The following KIDINS220 variants were observed in gnomAD, a reference collection of about 807,000 sequenced individuals.
KIDINS220 encodes kinase D-interacting substrate of 220 kDa.
In KIDINS220, 63 loss-of-function variants were observed where a neutral mutation model predicts 157.6. The observed-to-expected ratio is 0.40, with a 90% CI of 0.33 to 0.49. The LOEUF (loss-of-function observed/expected upper bound fraction) is 0.49. Among genes scored for constraint, KIDINS220 ranks in the 20% least tolerant of loss-of-function variants. The pLI is 0.66. For missense variants in KIDINS220, 1,772 were observed against 2,171.2 expected (o/e 0.82, Z 3.65); for synonymous variants, 732 against 783.6 (o/e 0.93, Z 1.10).
At chr2:8,778,375 C>A (rs1345686993) in intron 20 of KIDINS220, among the ~76,000 whole-genome samples, 1 of 152,158 alleles carries the variant, frequency 6.6e-6, no homozygotes, top group Non-Finnish European at 1.5e-5. Flanking sequence ...TGGATGAAAT[C>A]ATTTGGCAAG....
At chr2:8,774,549 A>G (rs1290670141) in intron 21 of KIDINS220, among the ~76,000 whole-genome samples, 1 of 152,192 alleles carries the variant, frequency 6.6e-6, no homozygotes, top group Non-Finnish European at 1.5e-5. Flanking sequence ...CTGACATTTA[A>G]GCAAAGACTT....
At chr2:8,784,514 C>T (rs1368079155) in intron 17 of KIDINS220, among the ~76,000 whole-genome samples, 1 of 152,148 alleles carries the variant, frequency 6.6e-6, no homozygotes, top group Non-Finnish European at 1.5e-5. Context: ...AAAAGCTTAT[C>T]TGATAAAGGA....
intron 15 of KIDINS220, among the ~76,000 whole-genome samples, chr2:8,788,443 AT>A (rs922380165): frequency 1.1e-4 from 17 of 151,948 alleles, no homozygotes; most frequent in African/African-American, 4.1e-4. Context: ...CTAATTTTGT[AT>A]TTTTAGTAGA....
intron 27 of KIDINS220, among the ~76,000 whole-genome samples, chr2:8,735,463 C>T (rs557989245): frequency 3.3e-5 from 5 of 151,994 alleles, no homozygotes; most frequent in South Asian, 2.1e-4. Context: ...ACCCAGGAGG[C>T]GGGAGGTTGC....
At chr2:8,807,883 A>G (rs1572740323) in intron 6 of KIDINS220, among the ~76,000 whole-genome samples, 1 of 152,214 alleles carries the variant, frequency 6.6e-6, no homozygotes, top group East Asian at 1.9e-4. Context: ...GCACTTTGGG[A>G]GGCTAAGCCA....
At chr2:8,773,353 T>C (rs962383771) in intron 21 of KIDINS220, among the ~76,000 whole-genome samples, 2 of 152,236 alleles carry the variant, frequency 1.3e-5, no homozygotes, top group South Asian at 2.1e-4. Context: ...GTATCAACTA[T>C]TAAATGATGT....
Position 8,728,934 on chromosome 2 carries a change from T to A in KIDINS220, c.*1786A>T, listed in dbSNP as rs1209896775. 1.2e-5 allele frequency: 12 copies of A among 978,282 alleles called. No individual in the cohort carries two copies. Among genetic ancestry groups the A allele is most frequent in the Non-Finnish European group, 1.5e-5 (12 of 823,042 alleles). 60.6% of individuals were successfully genotyped at this position (978,282 alleles called of 1,614,324 possible). A position where few individuals can be genotyped will look rare whatever the true frequency, so the allele number is the denominator to read the frequency against. ...TAAAAATTCATGAGTCAGAATAGCA[T>A]GCAATTTTTTATTGTTTTCTAAATC... On this transcript the variant is annotated 3_prime_UTR_variant, in exon 30 of 30. Transcript: ENST00000256707.
Position 8,729,476 on chromosome 2 carries a change from A to C in KIDINS220, c.*1244T>G. 1 of 985,416 alleles carries C rather than the reference A, an allele frequency of 1.0e-6. No individual in the cohort carries two copies. Among genetic ancestry groups the C allele is most frequent in the Non-Finnish European group, 1.2e-6 (1 of 829,872 alleles). The allele number at this position is 985,416 out of a possible 1,614,324, so 61.0% of individuals were successfully genotyped here. A position where few individuals can be genotyped will look rare whatever the true frequency, so the allele number is the denominator to read the frequency against. ...TAAAACGATAACAATATTTCATTGC[A>C]TGATGACAGGGTACATTTCTAGTCC... On this transcript the variant is annotated 3_prime_UTR_variant, in exon 30 of 30. Coordinates refer to ENST00000256707, the MANE Select transcript of KIDINS220 (RefSeq NM_020738.4).
rs75333386 is a variant in KIDINS220, at chr2:8,784,797, C to T, written c.2229+944G>A. ...AGGATGTGATGTGGAGCAACAGGAG[C>T]CTCATTCATTTCTGGTGGGAATGCA... is the stretch of plus-strand genomic sequence containing the variant. On this transcript the variant is annotated intron_variant, in intron 17 of 29. Transcript: ENST00000256707. Among the ~76,000 whole-genome samples, 350 of 152,274 alleles carry T rather than the reference C, an allele frequency of 2.3e-3. 15 individuals are homozygous for T. The East Asian group carries it at 0.06, about 26-fold the overall frequency.
chr2:8,756,888 C>T (rs1668081932), intron 22 of KIDINS220, among the ~76,000 whole-genome samples: 2 of 152,168 alleles, frequency 1.3e-5, no homozygotes, highest in Admixed American at 1.3e-4. Context: ...TTGTCTTGTT[C>T]TTTTAACTTA....
At chr2:8,765,333 A>G (rs1669329431) in intron 22 of KIDINS220, among the ~76,000 whole-genome samples, 2 of 152,192 alleles carry the variant, frequency 1.3e-5, no homozygotes, top group South Asian at 4.1e-4. Context: ...TCTCCTGCCC[A>G]TGATATCTTT....
At chr2:8,757,620 A>G (rs1668179752) in intron 22 of KIDINS220, 1 of 1,604,132 alleles carries the variant, frequency 6.2e-7, no homozygotes, top group African/African-American at 1.3e-5. Context: ...TTCGAGGCAG[A>G]TAACCCAAGT....
intron 22 of KIDINS220, among the ~76,000 whole-genome samples, chr2:8,752,443 C>T (rs1044387455): frequency 1.3e-5 from 2 of 152,008 alleles, no homozygotes; most frequent in Non-Finnish European, 2.9e-5. Flanking sequence ...GGTGGGAAAA[C>T]AGAAGGAAAG....
At chr2:8,744,388 A>ATT (rs1558328231) in intron 26 of KIDINS220, among the ~76,000 whole-genome samples, 1 of 26,160 alleles carries the variant, frequency 3.8e-5, no homozygotes. Context: ...AAAAAAAAAA[A>ATT]ATATATATAT....
intron 22 of KIDINS220, among the ~76,000 whole-genome samples, chr2:8,769,112 A>G (rs551037097): frequency 4.6e-5 from 7 of 152,326 alleles, no homozygotes; most frequent in African/African-American, 1.7e-4. Context: ...ATGGCAAAGC[A>G]AAGTTCACAT....
intron 4 of KIDINS220, among the ~76,000 whole-genome samples, chr2:8,814,409 T>G (rs1033365191): frequency 2.6e-5 from 4 of 152,138 alleles, no homozygotes; most frequent in African/African-American, 9.7e-5. Flanking sequence ...GAATAAATAT[T>G]CATAAGTCCA....
At position 8,747,977 on chromosome 2, in the gene KIDINS220, G is replaced by A. The variant is rs368708454; in HGVS notation, c.3438C>T (p.Tyr1146=). ...YNRPFFAPYL[Y]TPRYYPGGSQ... ...AGCCGCCAGGGTAATACCTTGGCGT[G>A]TAAAGGTATGGGGCAAAGAATGGCT... The change falls in exon 25 of 30, where the codon TAC becomes TAT. Residue 1146 remains tyrosine (Y), a synonymous_variant. Coordinates refer to ENST00000256707, the MANE Select transcript of KIDINS220 (RefSeq NM_020738.4). The A allele has an allele frequency of 1.4e-5, 23 of 1,588,296 alleles. No homozygotes were observed. The highest frequency in any genetic ancestry group is 1.9e-5 in the Non-Finnish European group (22 of 1,169,578).
intron 7 of KIDINS220, 24 bp downstream of exon 7, chr2:8,806,247 A>T: frequency 1.3e-6 from 2 of 1,495,242 alleles, no homozygotes; most frequent in Non-Finnish European, 1.8e-6. Flanking sequence ...TCTATTGCCA[A>T]GCATTAAAAT....
At chr2:8,723,581 T>C (rs1453379318), downstream of KIDINS220, 1 of 152,226 alleles carries the variant, frequency 6.6e-6, no homozygotes, top group Non-Finnish European at 1.5e-5. Flanking sequence ...ATGCTTATTC[T>C]AGCTCAAGCT....
Sources: allele counts gnomAD v4.1 joint callset (sites outside exome capture counted in the v4.1 genomes callset), GRCh38; gene constraint gnomAD v4.1.1; transcripts MANE v1.5; gene names NCBI Gene and HGNC (gene_info 2026-07-23, HGNC 2026-07-21).